Variants in FAM184B observed in about 807,000 individuals in gnomAD.
The protein encoded by FAM184B is protein FAM184B.
In FAM184B, 111 loss-of-function variants were observed where a neutral mutation model predicts 135.9. The ratio of observed to expected loss-of-function variants is 0.82; its 90% CI spans 0.70 to 0.96. FAM184B has a LOEUF of 0.96. Among genes scored for constraint, FAM184B ranks in the 40% least tolerant of loss-of-function variants. The probability of loss-of-function intolerance (pLI) is 0.00; values close to 1 mark genes in which losing one functional copy is unlikely to be tolerated. For synonymous variants in FAM184B, 552 were observed against 524.8 expected (o/e 1.05, Z -0.71); for missense variants, 1,375 against 1,323.9 (o/e 1.04, Z -0.60).
At chr4:17,667,747 T>C (rs776269827) in intron 7 of FAM184B, among the ~76,000 whole-genome samples, 1 of 152,270 alleles carries the variant, frequency 6.6e-6, no homozygotes, top group Non-Finnish European at 1.5e-5. Context: ...GCATAAAATA[T>C]AGAAGATGGA....
intron 1 of FAM184B, among the ~76,000 whole-genome samples, chr4:17,774,842 C>T (rs1718890678): frequency 6.6e-6 from 1 of 152,128 alleles, no homozygotes; most frequent in Non-Finnish European, 1.5e-5. Flanking sequence ...GCCTATTTTA[C>T]CCCATTTTGT....
chr4:17,685,018 GA>G (rs1329244327), intron 7 of FAM184B, among the ~76,000 whole-genome samples: 1 of 151,904 alleles, frequency 6.6e-6, no homozygotes, highest in South Asian at 2.1e-4. Context: ...CAGGGAGGGG[GA>G]AAAACACTCA....
chr4:17,721,365 C>A (rs1422066093), intron 1 of FAM184B, among the ~76,000 whole-genome samples: 3 of 76,600 alleles, frequency 3.9e-5, no homozygotes, highest in Admixed American at 1.8e-4. Context: ...GCCTGGGCGA[C>A]AGAGAAAGAT....
intron 12 of FAM184B, among the ~76,000 whole-genome samples, chr4:17,646,292 C>A (rs900391452): frequency 6.6e-6 from 1 of 151,292 alleles, no homozygotes; most frequent in African/African-American, 2.4e-5. Flanking sequence ...ATGTTTACTG[C>A]AACACTATTC....
intron 1 of FAM184B, among the ~76,000 whole-genome samples, chr4:17,748,941 T>G (rs1242381783): frequency 1.3e-5 from 2 of 151,672 alleles, no homozygotes; most frequent in Non-Finnish European, 2.9e-5. Context: ...ATTTTCCCAG[T>G]TTAGCCTCTG....
intron 1 of FAM184B, among the ~76,000 whole-genome samples, chr4:17,738,661 ACAGATAG>A (rs1717960797): frequency 6.6e-6 from 1 of 152,174 alleles, no homozygotes; most frequent in African/African-American, 2.4e-5. Flanking sequence ...TTCTACTGCA[ACAGATAG>A]TCCTGTGCTA....
chr4:17,695,495 T>C (rs1226975644), intron 5 of FAM184B, among the ~76,000 whole-genome samples: 1 of 152,034 alleles, frequency 6.6e-6, no homozygotes, highest in Non-Finnish European at 1.5e-5. Flanking sequence ...GAGTACAGAC[T>C]GATGTGGGTG....
At position 17,717,833 on chromosome 4, in the gene FAM184B, A is replaced by G. The variant is rs527371028; in HGVS notation, c.142-8189T>C. On this transcript the variant is annotated intron_variant, in intron 1 of 17. Transcript: ENST00000265018. Reference sequence around the variant, plus strand: ...ATAATATCTGTTGAGGGCCCAGAGTATGACATTCACTGGGCCAGATAATTT... The same window carrying G: ...ATAATATCTGTTGAGGGCCCAGAGTGTGACATTCACTGGGCCAGATAATTT... Among the ~76,000 whole-genome samples the G allele has an allele frequency of 9.7e-4, 148 of 152,300 alleles. 1 individual carries two copies. The highest frequency in any genetic ancestry group is 3.2e-3 in the African/African-American group (135 of 41,574).
intron 1 of FAM184B, among the ~76,000 whole-genome samples, chr4:17,724,681 T>G (rs1206677350): frequency 2.0e-5 from 3 of 152,204 alleles, no homozygotes; most frequent in Non-Finnish European, 4.4e-5. Context: ...ACAGAGGCCA[T>G]GTGGTTGCAG....
intron 11 of FAM184B, among the ~76,000 whole-genome samples, chr4:17,651,234 C>T (rs1715606807): frequency 6.6e-6 from 1 of 152,038 alleles, no homozygotes; most frequent in South Asian, 2.1e-4. Flanking sequence ...ATCAGGCATA[C>T]AACATTGAAA....
intron 11 of FAM184B, among the ~76,000 whole-genome samples, chr4:17,652,245 C>T (rs1715641333): frequency 6.6e-6 from 1 of 151,234 alleles, no homozygotes; most frequent in African/African-American, 2.4e-5. Context: ...CTGCCTCAGC[C>T]TCCCGAATAG....
At chr4:17,729,578 T>C (rs1031486754) in intron 1 of FAM184B, among the ~76,000 whole-genome samples, 1 of 152,220 alleles carries the variant, frequency 6.6e-6, no homozygotes, top group Non-Finnish European at 1.5e-5. Flanking sequence ...GGCAGCAGCA[T>C]TTGCGGTTCA....
At chr4:17,707,851 G>C (rs1308665866) in intron 2 of FAM184B, 67 bp from the exon 3 acceptor site, 16 of 1,528,656 alleles carry the variant, frequency 1.0e-5, no homozygotes, top group Non-Finnish European at 6.2e-6. Context: ...TGTGTACACA[G>C]AATAGCCATC....
chr4:17,776,215 C>CA (rs1718923823), intron 1 of FAM184B, among the ~76,000 whole-genome samples: 2 of 152,022 alleles, frequency 1.3e-5, no homozygotes, highest in Admixed American at 1.3e-4. Flanking sequence ...ATCCACAAGT[C>CA]AACTATAATA....
At chr4:17,715,786 A>G (rs1462081759) in intron 1 of FAM184B, among the ~76,000 whole-genome samples, 1 of 151,356 alleles carries the variant, frequency 6.6e-6, no homozygotes, top group Admixed American at 6.6e-5. Context: ...AGTTTAAAAA[A>G]AAAGAGATTT....
At chr4:17,649,234 C>A (rs911114369) in intron 11 of FAM184B, among the ~76,000 whole-genome samples, 1 of 152,100 alleles carries the variant, frequency 6.6e-6, no homozygotes. Context: ...CTAACCTTCC[C>A]TCAAAGGTTA....
At chr4:17,776,100 G>A (rs1407209587) in intron 1 of FAM184B, among the ~76,000 whole-genome samples, 4 of 152,152 alleles carry the variant, frequency 2.6e-5, no homozygotes, top group African/African-American at 9.7e-5. Flanking sequence ...TGGGCCTTGG[G>A]TCATTGTGTA....
intron 7 of FAM184B, among the ~76,000 whole-genome samples, chr4:17,687,763 C>T (rs1026578715): frequency 6.6e-6 from 1 of 152,142 alleles, no homozygotes; most frequent in African/African-American, 2.4e-5. Context: ...CAGCAACCAC[C>T]AGAGGCGAGG....
At position 17,639,347 on chromosome 4, in the gene FAM184B, G is replaced by A; in HGVS notation, c.2569C>T (p.Leu857=). ...QAQRAREVET[L]RQEHRKEMQA... ...ATCTCCTTCCGGTGTTCCTGGCGCAGTGTCTCCACCTCCCTGGCCCGCTGG... is the reference window on the plus strand; with the variant it reads ...ATCTCCTTCCGGTGTTCCTGGCGCAATGTCTCCACCTCCCTGGCCCGCTGG... Residue 857 remains leucine, a synonymous_variant, in exon 14 of 18, where the codon CTG becomes TTG. Transcript: ENST00000265018. The A allele has an allele frequency of 1.3e-6, 2 of 1,551,766 alleles. No individual in the cohort carries two copies. The highest frequency in any genetic ancestry group is 1.7e-6 in the Non-Finnish European group (2 of 1,147,006).
Sources: gnomAD v4.1 joint callset for allele counts (sites outside exome capture counted in the v4.1 genomes callset) on GRCh38, gnomAD v4.1.1 for gene constraint, MANE v1.5 for transcripts, NCBI Gene and HGNC (gene_info 2026-07-23, HGNC 2026-07-21) for gene names.